ALX4: variants seen among roughly 807,000 people sequenced by gnomAD.
ALX4 encodes the protein homeobox protein aristaless-like 4.
ALX4 carries 22 observed loss-of-function variants against 40.6 expected under a neutral mutation model. That is an observed-to-expected ratio of 0.54 (90% CI 0.39 to 0.77). ALX4 has a LOEUF of 0.77. Ranked by LOEUF, ALX4 falls within the 30% of genes least tolerant of loss-of-function variation. The pLI is 0.00. For missense variants in ALX4, 556 were observed against 564.8 expected (o/e 0.98, Z 0.16); for synonymous variants, 266 against 240.5 (o/e 1.11, Z -0.98).
chr11:44,264,961 G>T lies in ALX4; in HGVS notation c.1129C>A (p.Leu377Ile). ...TCGCCGTTGAGCTCGTAGCCATTGA[G>T]GCCTGGGCTGAGGCTGGCTGCTCCA... ...LFGAASLSPG[L>I]NGYELNGEPD... The change falls in exon 4 of 4, where the codon CTC (leucine) becomes ATC (isoleucine). Residue 377 changes from leucine (L) to isoleucine (I), a missense_variant. By Grantham distance (5) the Leu-to-Ile change is conservative. Coordinates refer to ENST00000652299, the MANE Select transcript of ALX4 (RefSeq NM_021926.4). 1.2e-6 allele frequency: 2 copies of T among 1,613,252 alleles called. No individual in the cohort carries two copies. Among genetic ancestry groups the T allele is most frequent in the Non-Finnish European group, 1.7e-6 (2 of 1,179,948 alleles).
At chr11:44,289,678 A>T (rs1956358515) in intron 1 of ALX4, among the ~76,000 whole-genome samples, 1 of 152,202 alleles carries the variant, frequency 6.6e-6, no homozygotes, top group Admixed American at 6.5e-5. Flanking sequence ...GGGTAAACCA[A>T]GCTTCAGGGT....
At chr11:44,272,834 TG>T (rs965374952) in intron 2 of ALX4, among the ~76,000 whole-genome samples, 1 of 150,792 alleles carries the variant, frequency 6.6e-6, no homozygotes, top group African/African-American at 2.4e-5. Flanking sequence ...AAAAAAAAAA[TG>T]GCAGGCTGCC....
At chr11:44,280,053 C>A (rs926300311) in intron 1 of ALX4, among the ~76,000 whole-genome samples, 1 of 152,318 alleles carries the variant, frequency 6.6e-6, no homozygotes, top group African/African-American at 2.4e-5. Context: ...ATGAACCAAC[C>A]GCCTCATCCT....
In ALX4 at chr11:44,275,477, C is replaced by T. The variant is rs550698378; in HGVS notation, c.648G>A (p.Arg216=). The T allele has an allele frequency of 3.7e-6, 6 of 1,614,054 alleles. No homozygotes were observed. In the Admixed American group the frequency reaches 8.3e-5, roughly 22 times the overall value. ...DSESNKGKKR[R]NRTTFTSYQL... Reference sequence around the variant, plus strand: ...GGTAGCTGGTGAAGGTGGTCCGGTTCCGCCGCTTCTTGCCCTTGTTGCTCT... The same window carrying T: ...GGTAGCTGGTGAAGGTGGTCCGGTTTCGCCGCTTCTTGCCCTTGTTGCTCT... Residue 216 remains arginine (R), a synonymous_variant, in exon 2 of 4, where the codon CGG becomes CGA. Coordinates refer to ENST00000652299, the MANE Select transcript of ALX4 (RefSeq NM_021926.4).
intron 1 of ALX4, among the ~76,000 whole-genome samples, chr11:44,283,022 G>A (rs938064469): frequency 1.3e-5 from 2 of 152,144 alleles, no homozygotes; most frequent in African/African-American, 4.8e-5. Context: ...GGCGGATGGT[G>A]GATCACCTGA....
rs771264729 is a variant in ALX4, at chr11:44,275,674, A to G, written c.467-16T>C. The G allele has an allele frequency of 9.3e-6, 15 of 1,610,598 alleles. No individual in the cohort carries two copies. Among genetic ancestry groups the G allele is most frequent in the Middle Eastern group, 1.7e-4 (1 of 6,032 alleles). On this transcript the variant is annotated splice_polypyrimidine_tract_variant and intron_variant, in intron 1 of 3. Transcript: ENST00000652299. ...CTCTCTTTAGCTGAGGGAGGAGGAA[A>G]CAAAGTCAGAAACCAATGGTTGAAC...
chr11:44,299,629 G>A (rs900941455), intron 1 of ALX4, among the ~76,000 whole-genome samples: 1 of 152,078 alleles, frequency 6.6e-6, no homozygotes. Context: ...CAAAATGCTG[G>A]GATTACGGGC....
chr11:44,283,042 T>C (rs1055198635), intron 1 of ALX4, among the ~76,000 whole-genome samples: 4 of 151,874 alleles, frequency 2.6e-5, no homozygotes, highest in African/African-American at 9.7e-5. Flanking sequence ...AGGTCAGGAG[T>C]TTGAGACCAG....
At chr11:44,276,399 C>T (rs544468573) in intron 1 of ALX4, among the ~76,000 whole-genome samples, 11 of 152,354 alleles carry the variant, frequency 7.2e-5, no homozygotes, top group South Asian at 4.1e-4. Flanking sequence ...ATCCCCAGCA[C>T]GCTGACCCCG....
intron 2 of ALX4, among the ~76,000 whole-genome samples, chr11:44,272,399 G>A (rs1956253343): frequency 6.6e-6 from 1 of 152,040 alleles, no homozygotes; most frequent in South Asian, 2.1e-4. Flanking sequence ...AGCTACTCAG[G>A]AGGCTGAGGC....
intron 1 of ALX4, among the ~76,000 whole-genome samples, chr11:44,289,676 C>T (rs1208843405): frequency 3.3e-5 from 5 of 152,152 alleles, no homozygotes; most frequent in Admixed American, 1.3e-4. Context: ...TAGGGTAAAC[C>T]AAGCTTCAGG....
chr11:44,274,461 CTGAGT>C (rs1179626095), intron 2 of ALX4, among the ~76,000 whole-genome samples: 1 of 135,644 alleles, frequency 7.4e-6, no homozygotes, highest in East Asian at 2.2e-4. Context: ...TTCGGTTGCA[CTGAGT>C]TGAGTTGAGT....
intron 2 of ALX4, among the ~76,000 whole-genome samples, chr11:44,270,747 C>G (rs185589571): frequency 6.6e-6 from 1 of 152,190 alleles, no homozygotes; most frequent in African/African-American, 2.4e-5. Context: ...ACTGTTCTCC[C>G]GGTCTGAATG....
intron 1 of ALX4, among the ~76,000 whole-genome samples, chr11:44,297,101 G>A (rs1287956074): frequency 6.6e-6 from 1 of 151,740 alleles, no homozygotes; most frequent in Non-Finnish European, 1.5e-5. Context: ...GGTCAAGGGT[G>A]TGATGGCGGT....
At chr11:44,299,354 GTTT>G (rs772070484) in intron 1 of ALX4, among the ~76,000 whole-genome samples, 5,121 of 112,426 alleles carry the variant, frequency 0.046, 61 homozygotes, top group Non-Finnish European at 0.066. Context: ...GGGGGCCATG[GTTT>G]TTTTTTTTTT....
intron 1 of ALX4, among the ~76,000 whole-genome samples, chr11:44,301,920 C>G (rs1275000922): frequency 6.6e-6 from 1 of 152,182 alleles, no homozygotes; most frequent in African/African-American, 2.4e-5. Context: ...CAGACGGCCT[C>G]GCCGCAGTGT....
intron 2 of ALX4, among the ~76,000 whole-genome samples, chr11:44,274,302 T>C (rs193080358): frequency 4.6e-5 from 7 of 151,818 alleles, no homozygotes; most frequent in African/African-American, 1.7e-4. Context: ...TTGTGTTGTG[T>C]TAGGTTGAGT....
In ALX4 at chr11:44,275,226, A is replaced by G. The variant is rs907434712; in HGVS notation, c.777+122T>C. On this transcript the variant is annotated intron_variant, in intron 2 of 3. Coordinates refer to ENST00000652299, the MANE Select transcript of ALX4 (RefSeq NM_021926.4). ...AGGAGCCCCCACTTTCAGGTTCTCAATGAACTGAGGAAAGGAAAGCCATGG... is the reference window on the plus strand; with the variant it reads ...AGGAGCCCCCACTTTCAGGTTCTCAGTGAACTGAGGAAAGGAAAGCCATGG... 1.1e-5 allele frequency: 11 copies of G among 1,037,182 alleles called. No individual in the cohort carries two copies. In the African/African-American group the frequency reaches 1.3e-4, roughly 12 times the overall value. The allele number at this position is 1,037,182 out of a possible 1,614,324, so 64.2% of individuals were successfully genotyped here. A position where few individuals can be genotyped will look rare whatever the true frequency, so the allele number is the denominator to read the frequency against.
intron 2 of ALX4, among the ~76,000 whole-genome samples, chr11:44,273,089 A>C (rs76117098): frequency 6.6e-6 from 1 of 151,994 alleles, no homozygotes; most frequent in Admixed American, 6.6e-5. Flanking sequence ...TCATGAGTTA[A>C]TTCAAGAGTC....
Sources: gnomAD v4.1 joint callset for allele counts (sites outside exome capture counted in the v4.1 genomes callset) on GRCh38, gnomAD v4.1.1 for gene constraint, MANE v1.5 for transcripts, NCBI Gene and HGNC (gene_info 2026-07-23, HGNC 2026-07-21) for gene names.